The following CNTN4 variants were observed in gnomAD, a reference collection of about 807,000 sequenced individuals.
CNTN4 encodes contactin 4.
In CNTN4, 77 loss-of-function variants were observed where a neutral mutation model predicts 122.5. That is an observed-to-expected ratio of 0.63 (90% CI 0.52 to 0.76). The LOEUF (loss-of-function observed/expected upper bound fraction) is 0.76. Among genes scored for constraint, CNTN4 ranks in the 30% least tolerant of loss-of-function variants. The pLI, the probability that CNTN4 is intolerant of heterozygous loss-of-function variation, is 0.00. For synonymous variants in CNTN4, 512 were observed against 447.0 expected (o/e 1.15, Z -1.83); for missense variants, 1,256 against 1,259.1 (o/e 1.00, Z 0.04).
chr3:2,120,380 T>A (rs1316397151), intron 2 of CNTN4, among the ~76,000 whole-genome samples: 43 of 27,506 alleles, frequency 1.6e-3, no homozygotes, highest in African/African-American at 2.8e-3. Context: ...TATAAATATA[T>A]ATATATATAT....
intron 10 of CNTN4, among the ~76,000 whole-genome samples, chr3:2,893,586 C>G (rs2094070044): frequency 6.6e-6 from 1 of 152,052 alleles, no homozygotes; most frequent in African/African-American, 2.4e-5. Flanking sequence ...ACGCATTAAG[C>G]AAACGTTGCG....
Position 3,056,692 on chromosome 3 carries a change from C to T in CNTN4, c.*472C>T, listed in dbSNP as rs1701821972. The T allele has an allele frequency of 6.3e-6, 1 of 159,198 alleles. No individual in the cohort carries two copies. Among genetic ancestry groups the T allele is most frequent in the Admixed American group, 6.1e-5 (1 of 16,328 alleles). The allele number at this position is 159,198 out of a possible 1,614,324, so 9.9% of individuals were successfully genotyped here. A position where few individuals can be genotyped will look rare whatever the true frequency, so the allele number is the denominator to read the frequency against. On this transcript the variant is annotated 3_prime_UTR_variant, in exon 25 of 25. Transcript: ENST00000418658. ...TACTCGTACAGTTTTACAAGGATCT[C>T]ATGGCAGAACAGCGGAAGACTTGGT...
chr3:3,039,588 A>C (rs145041197), intron 19 of CNTN4: 87 of 214,154 alleles, frequency 4.1e-4, no homozygotes, highest in African/African-American at 1.8e-3. Context: ...GAAAGAAATC[A>C]CTCATCCCTC....
At chr3:2,545,808 T>C (rs540823097) in intron 3 of CNTN4, among the ~76,000 whole-genome samples, 1 of 152,162 alleles carries the variant, frequency 6.6e-6, no homozygotes, top group East Asian at 1.9e-4. Context: ...TCATTGGGTC[T>C]TGCTTTGTTA....
rs539152009 is a variant in CNTN4 at position 2,294,061 on chromosome 3, G to A, written c.-144-45117G>A. Among the ~76,000 whole-genome samples, 28 of 152,272 alleles carry A rather than the reference G, an allele frequency of 1.8e-4. No individual in the cohort carries two copies. The South Asian group carries it at 5.8e-3, about 32-fold the overall frequency. ...AACCATACATCTTATCAGCCAGCCA[G>A]CTTTCCCTAGCTTGTTCCCATGGTG... On this transcript the variant is annotated intron_variant, in intron 2 of 24. Coordinates refer to ENST00000418658, the MANE Select transcript of CNTN4 (RefSeq NM_175607.3).
chr3:2,603,897 G>A (rs1320723184), intron 4 of CNTN4, among the ~76,000 whole-genome samples: 1 of 152,226 alleles, frequency 6.6e-6, no homozygotes, highest in Non-Finnish European at 1.5e-5. Context: ...AGTACTGCAC[G>A]TGTGTATGTT....
intron 3 of CNTN4, among the ~76,000 whole-genome samples, chr3:2,355,495 AGCTTT>A (rs1424074861): frequency 1.3e-5 from 2 of 152,216 alleles, no homozygotes; most frequent in African/African-American, 4.8e-5. Context: ...TACGAAGTAC[AGCTTT>A]GTTCAGGTCA....
intron 23 of CNTN4, among the ~76,000 whole-genome samples, chr3:3,045,892 C>T (rs376064801): frequency 1.2e-4 from 19 of 152,250 alleles, no homozygotes; most frequent in African/African-American, 4.6e-4. Context: ...AAAGGTTAGA[C>T]AAATGGCTAA....
intron 11 of CNTN4, among the ~76,000 whole-genome samples, chr3:2,902,487 T>C (rs553988334): frequency 6.6e-6 from 1 of 152,212 alleles, no homozygotes; most frequent in South Asian, 2.1e-4. Flanking sequence ...TGTGAGTGTT[T>C]TAAGCACTCT....
intron 6 of CNTN4, among the ~76,000 whole-genome samples, chr3:2,758,715 C>G (rs1001399191): frequency 2.0e-5 from 3 of 151,978 alleles, no homozygotes; most frequent in Non-Finnish European, 4.4e-5. Context: ...CCGTGTTGGC[C>G]TGGCTGGTCA....
intron 3 of CNTN4, among the ~76,000 whole-genome samples, chr3:2,423,851 A>G (rs560186473): frequency 2.0e-5 from 3 of 147,164 alleles, no homozygotes; most frequent in East Asian, 2.2e-4. Context: ...GTTCCGGTCT[A>G]TGGTGGGAGT....
chr3:2,938,489 AG>A (rs1236897975), intron 13 of CNTN4, among the ~76,000 whole-genome samples: 1 of 152,200 alleles, frequency 6.6e-6, no homozygotes, highest in Non-Finnish European at 1.5e-5. Flanking sequence ...AAGGTTGCAA[AG>A]CTTGATAATG....
intron 3 of CNTN4, among the ~76,000 whole-genome samples, chr3:2,392,568 C>T (rs970801943): frequency 6.6e-6 from 1 of 152,080 alleles, no homozygotes; most frequent in Admixed American, 6.5e-5. Flanking sequence ...TCTTTTGATA[C>T]ATGTGTACAT....
chr3:2,356,174 C>T (rs2044863829), intron 3 of CNTN4, among the ~76,000 whole-genome samples: 1 of 152,092 alleles, frequency 6.6e-6, no homozygotes, highest in Non-Finnish European at 1.5e-5. Context: ...AGAGAGAGTT[C>T]TTGGATCTCA....
At chr3:2,618,295 ATGTG>A (rs1559310735) in intron 4 of CNTN4, among the ~76,000 whole-genome samples, 1 of 152,150 alleles carries the variant, frequency 6.6e-6, no homozygotes, top group Non-Finnish European at 1.5e-5. Flanking sequence ...ATATATGTAT[ATGTG>A]TGTATGTATG....
In CNTN4 at chr3:2,866,811, G is replaced by A. The variant is rs1281946309; in HGVS notation, c.514G>A (p.Val172Ile). The A allele has an allele frequency of 6.2e-7, 1 of 1,613,950 alleles. No homozygotes were observed. The highest frequency in any genetic ancestry group is 2.2e-5 in the East Asian group (1 of 44,874). Residue 172 changes from valine to isoleucine, a missense_variant, in exon 8 of 25, where the codon GTT becomes ATT. Coordinates refer to ENST00000418658, the MANE Select transcript of CNTN4 (RefSeq NM_175607.3). ...TTCCTATCAGGATAATCGCCGCTTT[G>A]TTTCTCAAGAGACTGGGAATCTGTA... is the stretch of plus-strand genomic sequence containing the variant. ...YPSYQDNRRF[V>I]SQETGNLYIA... is the part of the protein sequence containing the mutation.
chr3:2,481,033 T>TTCTCTTTC (rs2075978960), intron 3 of CNTN4, among the ~76,000 whole-genome samples: 1 of 119,988 alleles, frequency 8.3e-6, no homozygotes, highest in African/African-American at 3.5e-5. Context: ...TTTCTTTTTC[T>TTCTCTTTC]TTTCTTTCTT....
intron 3 of CNTN4, among the ~76,000 whole-genome samples, chr3:2,428,017 CTT>C (rs1383252344): frequency 5.3e-5 from 8 of 152,056 alleles, no homozygotes; most frequent in Non-Finnish European, 1.0e-4. Context: ...GGTCTTGACT[CTT>C]TATCCAATTT....
intron 6 of CNTN4, among the ~76,000 whole-genome samples, chr3:2,784,343 G>A (rs2091726083): frequency 6.6e-6 from 1 of 152,098 alleles, no homozygotes; most frequent in African/African-American, 2.4e-5. Context: ...AACACATTTT[G>A]GGCTGATTTT....
Sources: allele counts gnomAD v4.1 joint callset (sites outside exome capture counted in the v4.1 genomes callset), GRCh38; gene constraint gnomAD v4.1.1; transcripts MANE v1.5; gene names NCBI Gene and HGNC (gene_info 2026-07-23, HGNC 2026-07-21).